The following IL1R1 variants were observed in gnomAD, a reference collection of about 807,000 sequenced individuals.
IL1R1 encodes the protein interleukin 1 receptor type 1.
A neutral mutation model predicts 50.2 loss-of-function variants in IL1R1; 22 were observed. The observed-to-expected ratio is 0.44, with a 90% CI of 0.31 to 0.63. The LOEUF (loss-of-function observed/expected upper bound fraction) is 0.63, where lower values mean the gene tolerates loss of function less well. IL1R1 is among the 20% of genes least tolerant of loss of function. The pLI is 0.07. For synonymous variants in IL1R1, 251 were observed against 236.7 expected (o/e 1.06, Z -0.55); for missense variants, 509 against 676.2 (o/e 0.75, Z 2.74).
At chr2:102,133,895 C>T (rs1420467879) in intron 1 of IL1R1, among the ~76,000 whole-genome samples, 1 of 116,424 alleles carries the variant, frequency 8.6e-6, no homozygotes, top group Non-Finnish European at 1.9e-5. Context: ...AGGGATCTAG[C>T]TGGTGCAAAA....
At chr2:102,134,913 G>T (rs527746300) in intron 1 of IL1R1, among the ~76,000 whole-genome samples, 1 of 152,066 alleles carries the variant, frequency 6.6e-6, no homozygotes, top group Non-Finnish European at 1.5e-5. Flanking sequence ...TGTTTTTCAC[G>T]GGCATCTTCT....
intron 1 of IL1R1, among the ~76,000 whole-genome samples, chr2:102,125,604 T>C (rs1165575878): frequency 6.6e-6 from 1 of 152,214 alleles, no homozygotes; most frequent in Non-Finnish European, 1.5e-5. Context: ...AGTTGGGCCT[T>C]GTTAGGCCCT....
chr2:102,157,420 T>G (rs1684295265), intron 2 of IL1R1, among the ~76,000 whole-genome samples: 1 of 152,050 alleles, frequency 6.6e-6, no homozygotes, highest in Admixed American at 6.5e-5. Flanking sequence ...TTGGGGAAAT[T>G]TAAATGGGGT....
chr2:102,103,088 C>A (rs537588004), upstream of IL1R1, among the ~76,000 whole-genome samples: 3 of 152,180 alleles, frequency 2.0e-5, no homozygotes, highest in South Asian at 6.2e-4. Context: ...TAGACCAAGC[C>A]GCCTGAATAC....
At chr2:102,168,984 T>C (rs1297374246) in intron 7 of IL1R1, among the ~76,000 whole-genome samples, 6 of 152,092 alleles carry the variant, frequency 3.9e-5, no homozygotes, top group African/African-American at 1.4e-4. Flanking sequence ...CTTTCTTTTT[T>C]TTTTTTTCAC....
upstream of IL1R1, among the ~76,000 whole-genome samples, chr2:102,103,432 G>A (rs1680237154): frequency 2.0e-5 from 3 of 152,190 alleles, no homozygotes; most frequent in African/African-American, 4.8e-5. Flanking sequence ...TGAGGCTGCA[G>A]AGCATTGAAG....
intron 1 of IL1R1, among the ~76,000 whole-genome samples, chr2:102,113,345 T>C (rs1680883594): frequency 1.3e-5 from 2 of 152,244 alleles, no homozygotes; most frequent in East Asian, 3.8e-4. Context: ...AATGTACTTG[T>C]AAGTTATCCA....
At chr2:102,113,006 G>C (rs564732625) in intron 1 of IL1R1, among the ~76,000 whole-genome samples, 1 of 152,276 alleles carries the variant, frequency 6.6e-6, no homozygotes, top group East Asian at 1.9e-4. Flanking sequence ...CAGAAAGTGG[G>C]CCCTCACCAG....
At chr2:102,136,348 C>A (rs1222965351) in intron 1 of IL1R1, among the ~76,000 whole-genome samples, 3 of 151,798 alleles carry the variant, frequency 2.0e-5, no homozygotes, top group Non-Finnish European at 4.4e-5. Context: ...CTCCCATTGT[C>A]CCTCAGGGCA....
chr2:102,103,152 TTAAAAA>T (rs202091531), upstream of IL1R1, among the ~76,000 whole-genome samples: 2,478 of 152,228 alleles, frequency 0.016, 44 homozygotes, highest in Admixed American at 0.052. Context: ...TAAAATAAAA[TTAAAAA>T]TAAATAAGTA....
At chr2:102,128,473 G>A (rs1312388894) in intron 1 of IL1R1, among the ~76,000 whole-genome samples, 2 of 152,178 alleles carry the variant, frequency 1.3e-5, no homozygotes, top group Admixed American at 1.3e-4. Context: ...CATTGACTAT[G>A]TTTAAATACT....
At chr2:102,104,143 G>A (rs1397831063), upstream of IL1R1, among the ~76,000 whole-genome samples, 1 of 152,140 alleles carries the variant, frequency 6.6e-6, no homozygotes, top group Non-Finnish European at 1.5e-5. Flanking sequence ...GTGGTGAAGG[G>A]AGACTTCCAG....
At chr2:102,118,039 C>T (rs542355198) in intron 1 of IL1R1, among the ~76,000 whole-genome samples, 39 of 152,032 alleles carry the variant, frequency 2.6e-4, no homozygotes, top group Admixed American at 2.5e-3. Context: ...ATTCCCAGCA[C>T]AGAGCTCCTA....
chr2:102,162,411 A>G (rs933118638), intron 3 of IL1R1, among the ~76,000 whole-genome samples: 1 of 152,178 alleles, frequency 6.6e-6, no homozygotes, highest in African/African-American at 2.4e-5. Flanking sequence ...GATTATTCAT[A>G]TATTAGGGTT....
chr2:102,164,503 A>G (rs1201039496), intron 3 of IL1R1, among the ~76,000 whole-genome samples: 1 of 152,050 alleles, frequency 6.6e-6, no homozygotes, highest in African/African-American at 2.4e-5. Flanking sequence ...CTCTCCTCCT[A>G]CATTGTCCCC....
chr2:102,085,019 T>A (rs1462410592), intron 1 of IL1R1, among the ~76,000 whole-genome samples: 1 of 152,262 alleles, frequency 6.6e-6, no homozygotes, highest in Non-Finnish European at 1.5e-5. Flanking sequence ...TTTTTGGCCA[T>A]TTAAATATTT....
chr2:102,129,202 C>A (rs1314266427), intron 1 of IL1R1, among the ~76,000 whole-genome samples: 1 of 151,844 alleles, frequency 6.6e-6, no homozygotes. Context: ...CAGAGTGAGA[C>A]CTTGTCTCAA....
upstream of IL1R1, among the ~76,000 whole-genome samples, chr2:102,139,733 G>A (rs987968019): frequency 4.6e-5 from 7 of 152,184 alleles, no homozygotes; most frequent in African/African-American, 7.2e-5. Context: ...CTCTGGCCAC[G>A]TGACGTACCT....
intron 1 of IL1R1, among the ~76,000 whole-genome samples, chr2:102,152,942 C>T (rs930805040): frequency 3.3e-5 from 5 of 151,792 alleles, no homozygotes; most frequent in African/African-American, 1.2e-4. Flanking sequence ...AGGCCTTGTG[C>T]TTAGGTCTTA....
Sources: allele counts gnomAD v4.1 joint callset (sites outside exome capture counted in the v4.1 genomes callset), GRCh38; gene constraint gnomAD v4.1.1; transcripts MANE v1.5; gene names NCBI Gene and HGNC (gene_info 2026-07-23, HGNC 2026-07-21).